ERG: variants seen among roughly 807,000 people sequenced by gnomAD.
The protein encoded by ERG is ETS transcription factor ERG.
ERG carries 9 observed loss-of-function variants against 55.3 expected under a neutral mutation model. The ratio of observed to expected loss-of-function variants is 0.16; its 90% CI spans 0.10 to 0.28. The LOEUF (loss-of-function observed/expected upper bound fraction) is 0.28, where lower values mean the gene tolerates loss of function less well. Ranked by LOEUF, ERG falls within the 10% of genes least tolerant of loss-of-function variation. ERG has a pLI of 1.00. For synonymous variants in ERG, 223 were observed against 237.3 expected (o/e 0.94, Z 0.55); for missense variants, 434 against 631.6 (o/e 0.69, Z 3.35).
upstream of ERG, among the ~76,000 whole-genome samples, chr21:38,586,296 T>C (rs1189476796): frequency 4.7e-5 from 7 of 148,742 alleles, no homozygotes; most frequent in East Asian, 1.4e-3. Context: ...ACTTATTTTT[T>C]TGTGGTGCGA....
chr21:38,597,638 G>C (rs2060140257), intron 1 of ERG, among the ~76,000 whole-genome samples: 1 of 152,110 alleles, frequency 6.6e-6, no homozygotes, highest in Non-Finnish European at 1.5e-5. Context: ...CATGAGCTTG[G>C]ACAGGGCTGT....
intron 1 of ERG, among the ~76,000 whole-genome samples, chr21:38,624,609 G>A (rs2146948232): frequency 6.6e-6 from 1 of 152,264 alleles, no homozygotes; most frequent in South Asian, 2.1e-4. Flanking sequence ...GTAGGGCTGG[G>A]AAAAAGGTTC....
intron 2 of ERG, among the ~76,000 whole-genome samples, chr21:38,527,789 G>A (rs2059640733): frequency 6.6e-6 from 1 of 152,192 alleles, no homozygotes; most frequent in African/African-American, 2.4e-5. Flanking sequence ...AAACCCTAAC[G>A]TGACAATGAT....
intron 1 of ERG, among the ~76,000 whole-genome samples, chr21:38,595,354 A>T (rs2060124742): frequency 6.6e-6 from 1 of 152,170 alleles, no homozygotes; most frequent in Admixed American, 6.5e-5. Flanking sequence ...GACAGGGTGG[A>T]GATGAGAAGA....
upstream of ERG, among the ~76,000 whole-genome samples, chr21:38,503,061 A>G (rs1377366257): frequency 6.6e-6 from 1 of 152,242 alleles, no homozygotes; most frequent in Non-Finnish European, 1.5e-5. Context: ...TAAAAAATAA[A>G]TAAAAAGGCA....
chr21:38,406,473 T>C (rs1361841444), intron 3 of ERG, among the ~76,000 whole-genome samples: 2 of 152,150 alleles, frequency 1.3e-5, no homozygotes, highest in African/African-American at 2.4e-5. Context: ...AAATGGATCA[T>C]ACTGAGGTCT....
rs2146428739 is a variant in ERG at position 38,391,648 on chromosome 21, C to T, written c.871+11G>A. The T allele has an allele frequency of 6.2e-7, 1 of 1,610,362 alleles. No homozygotes were observed. The highest frequency in any genetic ancestry group is 8.5e-7 in the Non-Finnish European group (1 of 1,178,112). On this transcript the variant is annotated intron_variant, in intron 8 of 9. Transcript: ENST00000288319. ...TCTCTTATGGTTATCCAGACGGCCCCTGAAACATACCTAACTGAGGACGCT... is the reference window on the plus strand; with the variant it reads ...TCTCTTATGGTTATCCAGACGGCCCTTGAAACATACCTAACTGAGGACGCT...
At chr21:38,385,222 G>A (rs944784172) in intron 9 of ERG, among the ~76,000 whole-genome samples, 1 of 152,214 alleles carries the variant, frequency 6.6e-6, no homozygotes, top group African/African-American at 2.4e-5. Flanking sequence ...ATTGACAGCA[G>A]TATCCGTACC....
intron 3 of ERG, among the ~76,000 whole-genome samples, chr21:38,413,225 T>C (rs1464175056): frequency 2.0e-5 from 3 of 152,224 alleles, no homozygotes; most frequent in Non-Finnish European, 4.4e-5. Flanking sequence ...AAGGAGTTCA[T>C]TGCCTTTCTT....
chr21:38,431,390 T>G (rs574851049), intron 2 of ERG, among the ~76,000 whole-genome samples: 8 of 152,344 alleles, frequency 5.3e-5, no homozygotes, highest in African/African-American at 1.7e-4. Flanking sequence ...ACTCCAGAGT[T>G]CTATTTATAA....
chr21:38,398,340 T>C (rs1254607556), intron 6 of ERG, among the ~76,000 whole-genome samples: 2 of 152,202 alleles, frequency 1.3e-5, no homozygotes, highest in Non-Finnish European at 2.9e-5. Context: ...AGTCCCTGAA[T>C]AGGGCCTACA....
At chr21:38,606,737 T>C (rs2146921021) in intron 1 of ERG, among the ~76,000 whole-genome samples, 1 of 152,238 alleles carries the variant, frequency 6.6e-6, no homozygotes, top group African/African-American at 2.4e-5. Flanking sequence ...ATAGACTATC[T>C]TAAAATTAGT....
At chr21:38,494,599 G>T (rs1413482255) in intron 1 of ERG, among the ~76,000 whole-genome samples, 1 of 152,202 alleles carries the variant, frequency 6.6e-6, no homozygotes, top group African/African-American at 2.4e-5. Flanking sequence ...TTGTTAACCT[G>T]TGTTTGTGTT....
intron 6 of ERG, among the ~76,000 whole-genome samples, chr21:38,399,484 T>A (rs768652530): frequency 6.6e-6 from 1 of 152,200 alleles, no homozygotes; most frequent in Non-Finnish European, 1.5e-5. Flanking sequence ...TCTGGAAGCA[T>A]GTATGAATAT....
In ERG at chr21:38,423,549, A is replaced by G. The variant is rs1415575120; in HGVS notation, c.249T>C (p.Asp83=). Residue 83 remains aspartate, a synonymous_variant, in exon 3 of 10, where the codon GAT becomes GAC. Coordinates refer to ENST00000288319, the MANE Select transcript of ERG (RefSeq NM_182918.4). ...TCCCGCCTTTGGCCACACTGCATTC[A>G]TCAGGAGAGTTCCTGGAGGAGAAGA... is the stretch of plus-strand genomic sequence containing the variant. ...SQVNGSRNSP[D]ECSVAKGGKM... is the part of the protein sequence containing the mutation. 5 of 1,611,884 alleles carry G rather than the reference A, an allele frequency of 3.1e-6. No individual in the cohort carries two copies. Among genetic ancestry groups the G allele is most frequent in the East Asian group, 2.2e-5 (1 of 44,840 alleles).
intron 7 of ERG, among the ~76,000 whole-genome samples, chr21:38,392,023 C>A (rs1260518149): frequency 1.3e-5 from 2 of 151,218 alleles, no homozygotes; most frequent in Admixed American, 6.6e-5. Flanking sequence ...AAGATAAACA[C>A]ATAAAGGGAA....
intron 2 of ERG, among the ~76,000 whole-genome samples, chr21:38,424,023 C>T (rs2146505322): frequency 6.6e-6 from 1 of 152,150 alleles, no homozygotes; most frequent in East Asian, 1.9e-4. Flanking sequence ...ACAGGCCTTG[C>T]CTTCTGTCCT....
At chr21:38,405,363 A>G (rs1358266111) in intron 3 of ERG, among the ~76,000 whole-genome samples, 2 of 152,134 alleles carry the variant, frequency 1.3e-5, no homozygotes, top group Non-Finnish European at 2.9e-5. Context: ...GAATAATCTC[A>G]ATTTATTTAG....
At chr21:38,546,978 G>A (rs2059791802) in intron 2 of ERG, among the ~76,000 whole-genome samples, 1 of 152,224 alleles carries the variant, frequency 6.6e-6, no homozygotes, top group Non-Finnish European at 1.5e-5. Context: ...GGTGTATGAA[G>A]TGGTCCTCAA....
Sources: gnomAD v4.1 joint callset for allele counts (sites outside exome capture counted in the v4.1 genomes callset) on GRCh38, gnomAD v4.1.1 for gene constraint, MANE v1.5 for transcripts, NCBI Gene and HGNC (gene_info 2026-07-23, HGNC 2026-07-21) for gene names.